The following KIF1B variants were observed in gnomAD, a reference collection of about 807,000 sequenced individuals.
KIF1B encodes kinesin-like protein KIF1B.
KIF1B carries 76 observed loss-of-function variants against 241.9 expected under a neutral mutation model. The ratio of observed to expected loss-of-function variants is 0.31; its 90% CI spans 0.26 to 0.38. The LOEUF (loss-of-function observed/expected upper bound fraction) is 0.38, where lower values mean the gene tolerates loss of function less well. KIF1B is among the 10% of genes least tolerant of loss of function. The pLI is 1.00. For synonymous variants in KIF1B, 750 were observed against 796.7 expected (o/e 0.94, Z 0.99); for missense variants, 1,622 against 2,271.4 (o/e 0.71, Z 5.81).
chr1:10,343,174 G>C (rs1477432111), intron 33 of KIF1B, 58 bp from the exon 34 acceptor site: 2 of 1,575,492 alleles, frequency 1.3e-6, no homozygotes, highest in East Asian at 2.3e-5. Flanking sequence ...ACAAAGGGGA[G>C]AATTTCTAAA....
rs1638944689 is a variant in KIF1B at position 10,378,470 on chromosome 1, G to A, written c.*1883G>A. On this transcript the variant is annotated 3_prime_UTR_variant, in exon 49 of 49. Transcript: ENST00000676179. ...TCAGTTGCTTTGCCAGTTGTCTTGG[G>A]ATTGTTTTACACCATCCTTTACTTC... 4 of 717,334 alleles carry A rather than the reference G, an allele frequency of 5.6e-6. No individual in the cohort carries two copies. Among genetic ancestry groups the A allele is most frequent in the Non-Finnish European group, 1.0e-5 (4 of 385,054 alleles). The allele number at this position is 717,334 out of a possible 1,614,324, so 44.4% of individuals were successfully genotyped here.
At position 10,365,790 on chromosome 1, in the gene KIF1B, G is replaced by A; in HGVS notation, c.4752+142G>A. Reference sequence around the variant, plus strand: ...GTGAATGTAGAAATAAAAAGACGCAGTTCCTACCCTCAACAAGCTTACAGG... The same window carrying A: ...GTGAATGTAGAAATAAAAAGACGCAATTCCTACCCTCAACAAGCTTACAGG... On this transcript the variant is annotated intron_variant, in intron 43 of 48. Transcript: ENST00000676179. This position sits in a 1 kb window ranked among gnomAD's most constrained non-coding sequence, Gnocchi z 4.0. 8.2e-7 allele frequency: 1 copy of A among 1,220,120 alleles called. No individual in the cohort carries two copies. Among genetic ancestry groups the A allele is most frequent in the Non-Finnish European group, 1.2e-6 (1 of 852,674 alleles). 75.6% of individuals were successfully genotyped at this position (1,220,120 alleles called of 1,614,324 possible). A position where few individuals can be genotyped will look rare whatever the true frequency, so the allele number is the denominator to read the frequency against.
chr1:10,212,890 G>GTATATATA (rs201066671), intron 1 of KIF1B, among the ~76,000 whole-genome samples: 87 of 109,454 alleles, frequency 7.9e-4, no homozygotes, highest in East Asian at 2.9e-3. Context: ...ATGCGTGTGT[G>GTATATATA]TATATATATA....
At chr1:10,268,047 A>G (rs1380539259) in intron 6 of KIF1B, 105 bp from the exon 7 acceptor site, 1 of 778,884 alleles carries the variant, frequency 1.3e-6, no homozygotes, top group Non-Finnish European at 2.3e-6. Flanking sequence ...AATAAGTTTA[A>G]GACTATTGCT....
rs193226746 is a variant in KIF1B, at chr1:10,375,598, T to A, written c.5408+225T>A. On this transcript the variant is annotated intron_variant, in intron 48 of 48. Transcript: ENST00000676179. The stretch of plus-strand genomic sequence containing the variant: ...CGGGGTTTTACCACAATGGCCAGGC[T>A]GGTCTCAAACTCCTGACCTCAAGTA... 6.1e-3 allele frequency among the ~76,000 whole-genome samples: 935 copies of A among 152,128 alleles called. 5 individuals are homozygous for A. The highest frequency in any genetic ancestry group is 0.011 in the Non-Finnish European group (741 of 67,998).
chr1:10,286,308 G>A (rs1649713324), intron 15 of KIF1B, among the ~76,000 whole-genome samples: 3 of 152,198 alleles, frequency 2.0e-5, no homozygotes, highest in African/African-American at 7.2e-5. Context: ...CCAAAGTGCT[G>A]GGATTACAAG....
At chr1:10,229,826 A>T (rs1243087227) in intron 1 of KIF1B, among the ~76,000 whole-genome samples, 1 of 136,252 alleles carries the variant, frequency 7.3e-6, no homozygotes, top group Non-Finnish European at 1.5e-5. Context: ...GCGCCACTGC[A>T]CTCCATCCAG....
intron 27 of KIF1B, among the ~76,000 whole-genome samples, chr1:10,329,563 T>C (rs2102305813): frequency 6.6e-6 from 1 of 152,222 alleles, no homozygotes; most frequent in African/African-American, 2.4e-5. Context: ...TGAAACCTCG[T>C]CTCTACTAAG....
rs200434172 is a variant in KIF1B, at chr1:10,238,014, AAAAG to A, written c.106+5596_106+5599del. 3.4e-3 allele frequency among the ~76,000 whole-genome samples: 516 copies of A among 152,236 alleles called. 4 individuals carry two copies. Among genetic ancestry groups the A allele is most frequent in the African/African-American group, 0.012 (491 of 41,546 alleles). ...ATGGAGTGAGACACTGTTTCAGGAA[AAAAG>A]AAAGAAAGAAAGAAAATTTGGGATG... On this transcript the variant is annotated intron_variant, in intron 2 of 48. Transcript: ENST00000676179.
chr1:10,339,834 C>T lies in KIF1B; in HGVS notation c.3488C>T (p.Pro1163Leu). The T allele has an allele frequency of 6.2e-7, 1 of 1,613,992 alleles. No homozygotes were observed. The highest frequency in any genetic ancestry group is 8.5e-7 in the Non-Finnish European group (1 of 1,179,960). Residue 1163 changes from proline (P) to leucine (L), a missense_variant, in exon 32 of 49, where the codon CCC (proline) becomes CTC (leucine). Transcript: ENST00000676179. ...EPLKNNGRGS[P>L]LAFYHVQNIA... Reference sequence around the variant, plus strand: ...CTCAAAAACAATGGCAGAGGAAGTCCCCTGGCCTTTTATCATGTGCAGAAT... The same window carrying T: ...CTCAAAAACAATGGCAGAGGAAGTCTCCTGGCCTTTTATCATGTGCAGAAT...
chr1:10,219,113 T>C (rs911013961), intron 1 of KIF1B, among the ~76,000 whole-genome samples: 31 of 152,198 alleles, frequency 2.0e-4, no homozygotes, highest in African/African-American at 5.8e-4. Flanking sequence ...CCTTTTTTCC[T>C]AGTATTAAAT....
intron 48 of KIF1B, among the ~76,000 whole-genome samples, chr1:10,376,038 GGTGATCCAC>G (rs1383098924): frequency 1.1e-4 from 16 of 149,226 alleles, no homozygotes; most frequent in Non-Finnish European, 2.2e-4. Flanking sequence ...CCTGACCTCA[GGTGATCCAC>G]CCTCCTCGGC....
chr1:10,286,990 G>A (rs1569713194), intron 15 of KIF1B, among the ~76,000 whole-genome samples: 1 of 152,182 alleles, frequency 6.6e-6, no homozygotes, highest in Non-Finnish European at 1.5e-5. Flanking sequence ...ATGCCTGCCT[G>A]CCAGCAGAAT....
At chr1:10,224,209 C>T (rs147613335) in intron 1 of KIF1B, among the ~76,000 whole-genome samples, 20,988 of 152,102 alleles carry the variant, frequency 0.14, 1,573 homozygotes, top group South Asian at 0.18. Context: ...CTCCGCCTCC[C>T]GGGTTTAAGC....
chr1:10,214,298 T>TC (rs202121927), intron 1 of KIF1B, among the ~76,000 whole-genome samples: 3,310 of 151,794 alleles, frequency 0.022, 43 homozygotes, highest in South Asian at 0.041. Context: ...TTTCTTTCTT[T>TC]TTTTTTTTTA....
At chr1:10,249,685 T>G (rs1318441383) in intron 2 of KIF1B, among the ~76,000 whole-genome samples, 1 of 152,178 alleles carries the variant, frequency 6.6e-6, no homozygotes, top group Non-Finnish European at 1.5e-5. Flanking sequence ...GAGAATTGCT[T>G]CAGCCCAGGA....
At chr1:10,274,021 C>T (rs1648968576) in intron 10 of KIF1B, among the ~76,000 whole-genome samples, 3 of 149,840 alleles carry the variant, frequency 2.0e-5, no homozygotes, top group African/African-American at 4.9e-5. Context: ...AGTGCAACCT[C>T]CACCTTCTGG....
Position 10,313,916 on chromosome 1 carries a change from CAG to C in KIF1B, c.2116-6124_2116-6123del, listed in dbSNP as rs1651191064. Among the ~76,000 whole-genome samples, 2 of 149,162 alleles carry C rather than the reference CAG, an allele frequency of 1.3e-5. 1 individual carries two copies. Among genetic ancestry groups the C allele is most frequent in the East Asian group, 4.0e-4 (2 of 5,012 alleles). ...ATTATTATTATTATTATTACTGAGA[CAG>C]AGTTTCACTCTTGTTGCCCAGGCCG... On this transcript the variant is annotated intron_variant, in intron 22 of 48. Coordinates refer to ENST00000676179, the MANE Select transcript of KIF1B (RefSeq NM_001365951.3).
At chr1:10,246,963 C>T (rs1334605495) in intron 2 of KIF1B, among the ~76,000 whole-genome samples, 1 of 152,160 alleles carries the variant, frequency 6.6e-6, no homozygotes, top group Non-Finnish European at 1.5e-5. Context: ...CTCCCAGGTT[C>T]AAGCTGTTCT....
Sources: gnomAD v4.1 joint callset for allele counts (sites outside exome capture counted in the v4.1 genomes callset) on GRCh38, gnomAD v4.1.1 for gene constraint, Gnocchi (gnomAD v3.1) non-coding constraint, MANE v1.5 for transcripts, NCBI Gene and HGNC (gene_info 2026-07-23, HGNC 2026-07-21) for gene names.